The following CUBN variants were observed in gnomAD, a reference collection of about 807,000 sequenced individuals.
CUBN encodes 460 kDa receptor.
CUBN carries 282 observed loss-of-function variants against 405.3 expected under a neutral mutation model. The ratio of observed to expected loss-of-function variants is 0.70; its 90% CI spans 0.63 to 0.77. The LOEUF (loss-of-function observed/expected upper bound fraction) is 0.77, where lower values mean the gene tolerates loss of function less well. Among genes scored for constraint, CUBN ranks in the 30% least tolerant of loss-of-function variants. The probability of loss-of-function intolerance (pLI) is 0.00; values close to 1 mark genes in which losing one functional copy is unlikely to be tolerated. For synonymous variants in CUBN, 1,684 were observed against 1,617.0 expected, an observed-to-expected ratio of 1.04 and a Z score of -0.99; for missense variants, 4,514 against 4,475.2, an observed-to-expected ratio of 1.01 and a Z score of -0.25.
chr10:16,960,512 C>A (rs1053503206), intron 31 of CUBN, among the ~76,000 whole-genome samples: 3 of 151,776 alleles, frequency 2.0e-5, no homozygotes, highest in South Asian at 4.2e-4. Flanking sequence ...AAACAAAAAA[C>A]CCCCACAAAA....
rs1833316326 is a variant in CUBN, at chr10:16,982,950, T to A, written c.4526-297A>T. On this transcript the variant is annotated intron_variant, in intron 30 of 66. Transcript: ENST00000377833. ...ACGTTTTCACAAAGCCATGGAATGC[T>A]GCTTCTTCACTGTCCTCTAAAAATA... Among the ~76,000 whole-genome samples, 3 of 152,302 alleles carry A rather than the reference T, an allele frequency of 2.0e-5. No individual in the cohort carries two copies. In the South Asian group the frequency reaches 6.2e-4, roughly 32 times the overall value.
intron 50 of CUBN, among the ~76,000 whole-genome samples, chr10:16,904,677 G>C (rs1165584544): frequency 6.6e-6 from 1 of 152,146 alleles, no homozygotes; most frequent in Non-Finnish European, 1.5e-5. Flanking sequence ...TCATTTATCT[G>C]CTTTCTTTTT....
At chr10:17,078,995 T>G (rs750953254) in intron 17 of CUBN, among the ~76,000 whole-genome samples, 16 of 152,108 alleles carry the variant, frequency 1.1e-4, no homozygotes, top group Non-Finnish European at 2.1e-4. Context: ...TCTCTACAAG[T>G]TCTCACAACT....
Position 16,835,322 on chromosome 10 carries a change from C to T in CUBN, c.10181-127G>A, listed in dbSNP as rs45520337. 9.3e-3 allele frequency: 7,967 copies of T among 856,476 alleles called. 57 individuals carry two copies. The highest frequency in any genetic ancestry group is 0.02 in the South Asian group (1,362 of 68,706). 53.1% of individuals were successfully genotyped at this position (856,476 alleles called of 1,614,324 possible). ...TTAGAAAAAAGTAATCCAGCTTCTT[C>T]GTTTACCTTTGAGATAATTGAGACC... On this transcript the variant is annotated intron_variant, in intron 63 of 66. Coordinates refer to ENST00000377833, the MANE Select transcript of CUBN (RefSeq NM_001081.4).
chr10:16,872,449 T>C (rs919407601), intron 58 of CUBN, among the ~76,000 whole-genome samples: 3 of 152,018 alleles, frequency 2.0e-5, no homozygotes, highest in Non-Finnish European at 4.4e-5. Flanking sequence ...TGTGTTCCCC[T>C]AAATTCATAT....
chr10:16,980,773 T>A (rs972015169), intron 31 of CUBN, among the ~76,000 whole-genome samples: 7 of 151,952 alleles, frequency 4.6e-5, no homozygotes, highest in Non-Finnish European at 8.8e-5. Context: ...CAAACCACCA[T>A]GGCACGTGTA....
At chr10:17,127,803 T>G in intron 3 of CUBN, 26 bp downstream of exon 3, 1 of 1,543,184 alleles carries the variant, frequency 6.5e-7, no homozygotes, top group South Asian at 1.1e-5. Context: ...ACTCATCGGT[T>G]CTTATGACGT....
rs2131869310 is a variant in CUBN, at chr10:17,088,169, G to A, written c.1942C>T (p.Leu648Phe). ...ATCTAAATATAATTATTTACCTCAA[G>A]GTAATCTTTGTTGCAGTCATCATGG... is the stretch of plus-strand genomic sequence containing the variant. ...EHHDDCNKDY[L>F]EIRDGPLYQD... Residue 648 changes from leucine (L) to phenylalanine (F), a missense_variant, in exon 15 of 67, where the codon CTT (leucine) becomes TTT (phenylalanine). By Grantham distance (22) the Leu-to-Phe change is conservative. Coordinates refer to ENST00000377833, the MANE Select transcript of CUBN (RefSeq NM_001081.4). 2.5e-6 allele frequency: 4 copies of A among 1,610,080 alleles called. No homozygotes were observed. The highest frequency in any genetic ancestry group is 3.4e-6 in the Non-Finnish European group (4 of 1,176,436).
chr10:16,967,210 C>G (rs1223304683), intron 31 of CUBN, among the ~76,000 whole-genome samples: 3 of 152,172 alleles, frequency 2.0e-5, no homozygotes, highest in Non-Finnish European at 2.9e-5. Context: ...AACCCCACAT[C>G]TCATATCACG....
In CUBN at chr10:16,890,401, C is replaced by G; in HGVS notation, c.8725G>C (p.Ala2909Pro). 6.2e-7 allele frequency: 1 copy of G among 1,613,838 alleles called. No homozygotes were observed. Among genetic ancestry groups the G allele is most frequent in the Admixed American group, 1.7e-5 (1 of 60,028 alleles). Residue 2909 changes from alanine (A) to proline (P), a missense_variant, in exon 55 of 67, where the codon GCT becomes CCT. This residue lies in a region of CUBN where 1,186 missense variants were observed against 1,186.9 expected (regional missense o/e 1.00). Transcript: ENST00000377833. ...ACAAAGGACGCGGAGAAGCCCTGAG[C>G]TGGTGCCTCCTGAGACTGGAAGACG... ...TAVFQSQEAP[A>P]QGFSASFVSR... is the part of the protein sequence containing the mutation.
At chr10:17,057,180 G>C (rs1324361685) in intron 22 of CUBN, among the ~76,000 whole-genome samples, 1 of 152,166 alleles carries the variant, frequency 6.6e-6, no homozygotes, top group African/African-American at 2.4e-5. Flanking sequence ...CAGCTTCACT[G>C]AGGTATCAGT....
chr10:16,932,903 T>A (rs185806054), intron 40 of CUBN, among the ~76,000 whole-genome samples, 184 bp downstream of exon 40: 29 of 152,304 alleles, frequency 1.9e-4, no homozygotes, highest in Middle Eastern at 3.4e-3. Context: ...CTGTGACCGG[T>A]AATTTAATAC....
Position 16,915,034 on chromosome 10 carries a change from T to A in CUBN, c.7349A>T (p.Glu2450Val). The change falls in exon 47 of 67, where the codon GAA (glutamate) becomes GTA (valine). Residue 2450 changes from glutamate to valine, a missense_variant and splice_region_variant. This residue lies in a region of CUBN where 1,613 missense variants were observed against 1,542.8 expected (regional missense o/e 1.05). Transcript: ENST00000377833. ...GTTGAATGAATCAATGAACTCACCTTCCATACTGGATTCAAATCGCAGTCT... is the reference window on the plus strand; with the variant it reads ...GTTGAATGAATCAATGAACTCACCTACCATACTGGATTCAAATCGCAGTCT... ...GFRLRFESSM[E>V]ECGGDLQGSI... 1 of 1,613,742 alleles carries A rather than the reference T, an allele frequency of 6.2e-7. No homozygotes were observed.
intron 22 of CUBN, among the ~76,000 whole-genome samples, chr10:17,052,234 C>T (rs1054931759): frequency 6.6e-6 from 1 of 152,042 alleles, no homozygotes; most frequent in Admixed American, 6.5e-5. Context: ...TTTAGACAAA[C>T]AGAAGCTGAC....
rs1451433652 is a variant in CUBN, at chr10:16,907,594, C to A, written c.7619G>T (p.Gly2540Val). The A allele has an allele frequency of 6.2e-7, 1 of 1,613,702 alleles. No individual in the cohort carries two copies. The highest frequency in any genetic ancestry group is 1.1e-5 in the South Asian group (1 of 91,062). Residue 2540 changes from glycine to valine, a missense_variant, in exon 49 of 67, where the codon GGA becomes GTA. This residue lies in a region of CUBN where 1,613 missense variants were observed against 1,542.8 expected (regional missense o/e 1.05). Transcript: ENST00000377833. Reference protein sequence around the residue: ...VNVSNEIKSSGNTMKVIFFTD... With the variant: ...VNVSNEIKSSVNTMKVIFFTD... ...GAAAAAAATGACTTTCATTGTGTTT[C>A]CTGAAGATTTAATCTCATTGCTTAC...
chr10:16,832,529 T>C (rs557429810), intron 64 of CUBN, among the ~76,000 whole-genome samples: 2 of 152,292 alleles, frequency 1.3e-5, no homozygotes, highest in East Asian at 3.9e-4. Flanking sequence ...AGTCATCCAC[T>C]AGTAGATGGG....
At chr10:17,050,994 G>A (rs1835252671) in intron 22 of CUBN, among the ~76,000 whole-genome samples, 1 of 151,664 alleles carries the variant, frequency 6.6e-6, no homozygotes, top group Non-Finnish European at 1.5e-5. Context: ...ACATGATATG[G>A]GACCCCCATA....
intron 31 of CUBN, among the ~76,000 whole-genome samples, chr10:16,963,697 T>C (rs1843305891): frequency 6.6e-6 from 1 of 152,170 alleles, no homozygotes; most frequent in Admixed American, 6.5e-5. Context: ...GTGGTGCATA[T>C]ATAAAATAGA....
At chr10:17,057,782 C>A in intron 22 of CUBN, among the ~76,000 whole-genome samples, 1 of 151,878 alleles carries the variant, frequency 6.6e-6, no homozygotes, top group East Asian at 1.9e-4. Flanking sequence ...AAGAAAAAAA[C>A]ACATGAATAC....
Sources: allele counts gnomAD v4.1 joint callset (sites outside exome capture counted in the v4.1 genomes callset), GRCh38; gene constraint gnomAD v4.1.1; regional missense constraint gnomAD v4.1.1; transcripts MANE v1.5; gene names NCBI Gene and HGNC (gene_info 2026-07-23, HGNC 2026-07-21).